The following SSX2IP variants were observed in gnomAD, a reference collection of about 807,000 sequenced individuals.
The protein encoded by SSX2IP is afadin- and alpha-actinin-binding protein.
SSX2IP carries 55 observed loss-of-function variants against 84.9 expected under a neutral mutation model. The observed-to-expected ratio is 0.65, with a 90% CI of 0.52 to 0.81. The LOEUF is 0.81. Ranked by LOEUF, SSX2IP falls within the 30% of genes least tolerant of loss-of-function variation. SSX2IP has a pLI of 0.00. For missense variants in SSX2IP, 664 were observed against 705.2 expected (o/e 0.94, Z 0.66); for synonymous variants, 239 against 234.7 (o/e 1.02, Z -0.17).
intron 11 of SSX2IP, among the ~76,000 whole-genome samples, chr1:84,655,161 T>C (rs772820589): frequency 2.0e-5 from 3 of 152,080 alleles, no homozygotes; most frequent in East Asian, 1.9e-4. Context: ...ACAAGAAAAC[T>C]TGAAATACAT....
At chr1:84,659,768 A>G (rs946976643) in intron 8 of SSX2IP, among the ~76,000 whole-genome samples, 24 of 150,170 alleles carry the variant, frequency 1.6e-4, no homozygotes, top group Non-Finnish European at 3.0e-4. Context: ...ACAGCACTCT[A>G]GCCTGGCGAC....
At chr1:84,672,120 T>C (rs918980951) in intron 1 of SSX2IP, among the ~76,000 whole-genome samples, 2 of 152,198 alleles carry the variant, frequency 1.3e-5, no homozygotes, top group Non-Finnish European at 2.9e-5. Context: ...TTCACTTTTT[T>C]ATAGAGACAA....
chr1:84,665,030 C>G (rs1652569731), intron 5 of SSX2IP, among the ~76,000 whole-genome samples: 1 of 152,154 alleles, frequency 6.6e-6, no homozygotes, highest in South Asian at 2.1e-4. Context: ...TAAGTCCAAA[C>G]AGCAGAATAA....
rs1649355358 is a variant in SSX2IP at position 84,645,458 on chromosome 1, C to A, written c.*1975G>T. 1 of 152,170 alleles carries A rather than the reference C, an allele frequency of 6.6e-6. No individual in the cohort carries two copies. The highest frequency in any genetic ancestry group is 2.4e-5 in the African/African-American group (1 of 41,454). The allele number at this position is 152,170 out of a possible 1,614,324, so 9.4% of individuals were successfully genotyped here. A position where few individuals can be genotyped will look rare whatever the true frequency, so the allele number is the denominator to read the frequency against. The stretch of plus-strand genomic sequence containing the variant: ...TAAAAGTACGTCTCAAGGAATCTTT[C>A]TTTCCAATTTGAGAACTCAACTCAC... On this transcript the variant is annotated 3_prime_UTR_variant, in exon 14 of 14. Coordinates refer to ENST00000342203, the MANE Select transcript of SSX2IP (RefSeq NM_001166293.2).
chr1:84,670,669 G>C lies in SSX2IP; in HGVS notation c.190C>G (p.Gln64Glu). 1 of 1,609,142 alleles carries C rather than the reference G, an allele frequency of 6.2e-7. No individual in the cohort carries two copies. The highest frequency in any genetic ancestry group is 8.5e-7 in the Non-Finnish European group (1 of 1,177,486). Residue 64 changes from glutamine (Q) to glutamate (E), a missense_variant, in exon 3 of 14, where the codon CAG becomes GAG. Coordinates refer to ENST00000342203, the MANE Select transcript of SSX2IP (RefSeq NM_001166293.2). The part of the protein sequence containing the change: ...SAFCTEDNIE[Q>E]SISYLDQELT... ...ACCTGATCAAGATATGAGATACTCT[G>C]TTCAATATTATCTTCTGTGCAGAAG... is the stretch of plus-strand genomic sequence containing the variant.
rs1263663654 is a variant in SSX2IP, at chr1:84,687,378, T to C, written c.-90+2993A>G. Among the ~76,000 whole-genome samples, 4 of 152,238 alleles carry C rather than the reference T, an allele frequency of 2.6e-5. No individual in the cohort carries two copies. In the East Asian group the frequency reaches 7.7e-4, roughly 29 times the overall value. ...ATTTGAAAGACTATTTCTTCTCTCA[T>C]CTCAGAATCCTACATTGCTAGAGTC... is the stretch of plus-strand genomic sequence containing the variant. On this transcript the variant is annotated intron_variant, in intron 1 of 13. Transcript: ENST00000342203.
intron 1 of SSX2IP, among the ~76,000 whole-genome samples, chr1:84,685,376 C>T (rs1557535118): frequency 6.6e-6 from 1 of 152,242 alleles, no homozygotes; most frequent in Non-Finnish European, 1.5e-5. Flanking sequence ...AAGTTAATAA[C>T]TCCTGTACTA....
intron 1 of SSX2IP, among the ~76,000 whole-genome samples, chr1:84,675,155 A>G (rs1000471367): frequency 6.6e-6 from 1 of 152,244 alleles, no homozygotes. Context: ...ATCAAATGCA[A>G]CCAAGAAGGA....
At chr1:84,673,581 T>C (rs1421619540) in intron 1 of SSX2IP, among the ~76,000 whole-genome samples, 2 of 152,146 alleles carry the variant, frequency 1.3e-5, no homozygotes, top group Non-Finnish European at 2.9e-5. Context: ...GAGTAGACTA[T>C]AGGTAGGCAA....
chr1:84,668,864 G>T (rs188291940), intron 4 of SSX2IP, among the ~76,000 whole-genome samples: 1 of 151,946 alleles, frequency 6.6e-6, no homozygotes, highest in Non-Finnish European at 1.5e-5. Flanking sequence ...AAAGAAAGCT[G>T]ATCATCTGAC....
At chr1:84,669,420 T>C (rs546240765) in intron 4 of SSX2IP, among the ~76,000 whole-genome samples, 1 of 152,280 alleles carries the variant, frequency 6.6e-6, no homozygotes, top group African/African-American at 2.4e-5. Flanking sequence ...GTTATTTTAT[T>C]TTCCCAGAGC....
intron 11 of SSX2IP, chr1:84,655,595 G>C: frequency 6.8e-7 from 1 of 1,462,438 alleles, no homozygotes; most frequent in Non-Finnish European, 9.1e-7. Flanking sequence ...CAATCTGAAA[G>C]CAGTAATAAA....
At chr1:84,675,552 G>T (rs887137335) in intron 1 of SSX2IP, among the ~76,000 whole-genome samples, 1 of 152,078 alleles carries the variant, frequency 6.6e-6, no homozygotes, top group African/African-American at 2.4e-5. Flanking sequence ...ATTCCTTGTG[G>T]GCCTCAAGGT....
chr1:84,651,547 G>C (rs1650251464), intron 12 of SSX2IP, among the ~76,000 whole-genome samples: 1 of 151,986 alleles, frequency 6.6e-6, no homozygotes, highest in African/African-American at 2.4e-5. Flanking sequence ...GGCCAATATG[G>C]TAAAAACCCG....
intron 1 of SSX2IP, among the ~76,000 whole-genome samples, chr1:84,677,990 A>G (rs1654600616): frequency 6.6e-6 from 1 of 152,194 alleles, no homozygotes; most frequent in South Asian, 2.1e-4. Context: ...TTATGAAGCA[A>G]CAGATAACTC....
chr1:84,672,577 T>A (rs976419819), intron 1 of SSX2IP, among the ~76,000 whole-genome samples: 7 of 152,178 alleles, frequency 4.6e-5, no homozygotes, highest in African/African-American at 1.7e-4. Context: ...TTAAGATCTG[T>A]GCACTTGACT....
chr1:84,675,444 G>A (rs1654192352), intron 1 of SSX2IP, among the ~76,000 whole-genome samples: 1 of 152,182 alleles, frequency 6.6e-6, no homozygotes. Context: ...CTAAGCCAAA[G>A]GGAAAAGTCA....
At chr1:84,663,049 C>T (rs1165261030) in intron 6 of SSX2IP, among the ~76,000 whole-genome samples, 3 of 152,004 alleles carry the variant, frequency 2.0e-5, no homozygotes, top group African/African-American at 7.2e-5. Context: ...AGTTGTAGAT[C>T]CCATAAAGCT....
chr1:84,685,017 A>C (rs1655593105), intron 1 of SSX2IP, among the ~76,000 whole-genome samples: 1 of 152,184 alleles, frequency 6.6e-6, no homozygotes, highest in Non-Finnish European at 1.5e-5. Flanking sequence ...GGTGGTACTT[A>C]CTGTATTATT....
Sources: gnomAD v4.1 joint callset for allele counts (sites outside exome capture counted in the v4.1 genomes callset) on GRCh38, gnomAD v4.1.1 for gene constraint, MANE v1.5 for transcripts, NCBI Gene and HGNC (gene_info 2026-07-23, HGNC 2026-07-21) for gene names.